Variants in GPC5 observed in about 807,000 individuals in gnomAD.
The protein encoded by GPC5 is glypican 5.
In GPC5, 47 loss-of-function variants were observed where a neutral mutation model predicts 53.9. The ratio of observed to expected loss-of-function variants is 0.87; its 90% CI spans 0.69 to 1.11. GPC5 has a LOEUF of 1.11. Among genes scored for constraint, GPC5 ranks in the 50% most tolerant of loss-of-function variants. GPC5 has a pLI of 0.00. For synonymous variants in GPC5, 286 were observed against 263.3 expected, an observed-to-expected ratio of 1.09 and a Z score of -0.84; for missense variants, 748 against 713.1, an observed-to-expected ratio of 1.05 and a Z score of -0.56.
chr13:92,011,657 A>G (rs2040662785), intron 6 of GPC5, among the ~76,000 whole-genome samples: 1 of 152,220 alleles, frequency 6.6e-6, no homozygotes, highest in African/African-American at 2.4e-5. Context: ...GAAAACAGCT[A>G]TTGAACTCAG....
chr13:91,598,807 A>G (rs1055852790), intron 2 of GPC5, among the ~76,000 whole-genome samples: 3 of 152,062 alleles, frequency 2.0e-5, no homozygotes, highest in African/African-American at 7.2e-5. Context: ...CCTAACAAAA[A>G]TAAGTTGTAT....
At chr13:92,325,047 G>A (rs942763142) in intron 7 of GPC5, among the ~76,000 whole-genome samples, 3 of 151,092 alleles carry the variant, frequency 2.0e-5, no homozygotes, top group Non-Finnish European at 4.4e-5. Flanking sequence ...AAGAGACAAA[G>A]GAAGATTCCA....
intron 7 of GPC5, among the ~76,000 whole-genome samples, chr13:92,216,109 G>A (rs557868088): frequency 1.4e-4 from 21 of 152,100 alleles, no homozygotes; most frequent in Admixed American, 7.9e-4. Flanking sequence ...AGATACAGAC[G>A]GGCAGTTCTT....
At chr13:91,705,653 C>A (rs985998636) in intron 3 of GPC5, among the ~76,000 whole-genome samples, 2 of 151,676 alleles carry the variant, frequency 1.3e-5, no homozygotes, top group African/African-American at 2.4e-5. Context: ...GAATAGGAAA[C>A]CTTTATTCTC....
At chr13:92,243,827 G>A (rs1471629366) in intron 7 of GPC5, among the ~76,000 whole-genome samples, 1 of 152,086 alleles carries the variant, frequency 6.6e-6, no homozygotes, top group African/African-American at 2.4e-5. Context: ...TGCATGTAAG[G>A]AAAGAGTACA....
At chr13:92,285,369 T>C (rs924404971) in intron 7 of GPC5, among the ~76,000 whole-genome samples, 2 of 152,132 alleles carry the variant, frequency 1.3e-5, no homozygotes, top group Non-Finnish European at 2.9e-5. Context: ...ATGACTGTCT[T>C]CACAGAATTG....
intron 6 of GPC5, among the ~76,000 whole-genome samples, chr13:92,008,861 TC>T (rs1419290762): frequency 6.6e-6 from 1 of 152,208 alleles, no homozygotes; most frequent in African/African-American, 2.4e-5. Context: ...TTCATTTTTT[TC>T]CTTTTTTTCT....
At chr13:92,401,997 G>A (rs1875580497) in intron 7 of GPC5, among the ~76,000 whole-genome samples, 1 of 152,068 alleles carries the variant, frequency 6.6e-6, no homozygotes, top group Non-Finnish European at 1.5e-5. Context: ...GTTTTTAATA[G>A]TATTTAATTG....
chr13:92,521,069 G>T (rs1157694649), intron 7 of GPC5, among the ~76,000 whole-genome samples: 1 of 152,112 alleles, frequency 6.6e-6, no homozygotes, highest in Non-Finnish European at 1.5e-5. Context: ...CAACTTACAA[G>T]GGATGTGAAG....
At position 92,866,276 on chromosome 13, in the gene GPC5, C is replaced by A; in HGVS notation, c.1562-6C>A. The A allele has an allele frequency of 6.2e-7, 1 of 1,607,754 alleles. No individual in the cohort carries two copies. Among genetic ancestry groups the A allele is most frequent in the Non-Finnish European group, 8.5e-7 (1 of 1,176,170 alleles). On this transcript the variant is annotated splice_region_variant and splice_polypyrimidine_tract_variant and intron_variant, in intron 7 of 7. Coordinates refer to ENST00000377067, the MANE Select transcript of GPC5 (RefSeq NM_004466.6). ...ATCACCTGTGCTTTCTTATTTGCCT[C>A]TACAGGGATGCCAGATGATATGAAC...
intron 7 of GPC5, among the ~76,000 whole-genome samples, chr13:92,599,869 C>G (rs1883991392): frequency 6.6e-6 from 1 of 152,040 alleles, no homozygotes; most frequent in Non-Finnish European, 1.5e-5. Context: ...GCCCTTTTAG[C>G]CTTATTTAAG....
intron 7 of GPC5, among the ~76,000 whole-genome samples, chr13:92,391,030 CATTT>C (rs1402544181): frequency 1.3e-5 from 2 of 151,966 alleles, no homozygotes; most frequent in African/African-American, 2.4e-5. Context: ...AATTAATGTT[CATTT>C]ATTTTCTTCA....
At chr13:92,332,721 A>G (rs889312724) in intron 7 of GPC5, among the ~76,000 whole-genome samples, 33 of 152,180 alleles carry the variant, frequency 2.2e-4, no homozygotes, top group African/African-American at 7.5e-4. Context: ...GAAAAAGACT[A>G]TTGTCCAATA....
chr13:91,783,254 CAATAAATA>C (rs200636590), intron 5 of GPC5, among the ~76,000 whole-genome samples: 13 of 150,638 alleles, frequency 8.6e-5, no homozygotes, highest in Non-Finnish European at 8.9e-5. Flanking sequence ...AACTCCATCT[CAATAAATA>C]AATAAATAAA....
At chr13:91,473,044 C>T (rs1013842090) in intron 2 of GPC5, among the ~76,000 whole-genome samples, 4 of 152,012 alleles carry the variant, frequency 2.6e-5, no homozygotes, top group East Asian at 1.9e-4. Context: ...AGGAAACTTA[C>T]GATCATGACA....
chr13:91,431,563 T>A (rs1368950533), intron 1 of GPC5, among the ~76,000 whole-genome samples: 2 of 152,218 alleles, frequency 1.3e-5, no homozygotes, highest in East Asian at 3.8e-4. Flanking sequence ...TAATTATATA[T>A]AAAACACTCT....
intron 7 of GPC5, among the ~76,000 whole-genome samples, chr13:92,591,968 G>C (rs1029506522): frequency 5.9e-5 from 9 of 152,196 alleles, no homozygotes; most frequent in African/African-American, 2.2e-4. Flanking sequence ...AACTCCAGCT[G>C]AGGGTCACTT....
intron 7 of GPC5, among the ~76,000 whole-genome samples, chr13:92,537,717 C>G (rs983437064): frequency 1.3e-5 from 2 of 152,096 alleles, no homozygotes; most frequent in African/African-American, 4.8e-5. Flanking sequence ...TTATCCATCT[C>G]CCTGTCTCAT....
chr13:91,805,030 T>C (rs1482422552), intron 5 of GPC5, among the ~76,000 whole-genome samples: 2 of 152,206 alleles, frequency 1.3e-5, no homozygotes, highest in African/African-American at 4.8e-5. Context: ...ATTTTGCTTC[T>C]CTGAACCACA....
Sources: allele counts gnomAD v4.1 joint callset (sites outside exome capture counted in the v4.1 genomes callset), GRCh38; gene constraint gnomAD v4.1.1; transcripts MANE v1.5; gene names NCBI Gene and HGNC (gene_info 2026-07-23, HGNC 2026-07-21).